The following IQCM variants were observed in gnomAD, a reference collection of about 807,000 sequenced individuals.
IQCM encodes the protein IQ motif containing M, also known as IQ domain-containing protein M.
IQCM carries 45 observed loss-of-function variants against 57.6 expected under a neutral mutation model. The observed-to-expected ratio is 0.78, with a 90% CI of 0.62 to 1.00. The LOEUF (loss-of-function observed/expected upper bound fraction) is 1.00. Ranked by LOEUF, IQCM falls within the 50% of genes least tolerant of loss-of-function variation. IQCM has a pLI of 0.00. For missense variants in IQCM, 468 were observed against 511.6 expected (o/e 0.91, Z 0.82); for synonymous variants, 148 against 158.9 (o/e 0.93, Z 0.51).
intron 7 of IQCM, among the ~76,000 whole-genome samples, chr4:149,670,349 G>C (rs1761143119): frequency 6.6e-6 from 1 of 152,156 alleles, no homozygotes; most frequent in Non-Finnish European, 1.5e-5. Flanking sequence ...CTTTGCTGAA[G>C]TTGCTTATCA....
intron 12 of IQCM, among the ~76,000 whole-genome samples, chr4:149,492,527 T>C (rs1742203205): frequency 6.6e-6 from 1 of 152,138 alleles, no homozygotes; most frequent in African/African-American, 2.4e-5. Context: ...GGTAACACTA[T>C]CAACTTGAAC....
At chr4:149,402,314 G>A (rs918611113) in intron 13 of IQCM, among the ~76,000 whole-genome samples, 5 of 151,626 alleles carry the variant, frequency 3.3e-5, no homozygotes, top group African/African-American at 1.2e-4. Flanking sequence ...CAATAAAGAA[G>A]AATCAGTGAT....
intron 7 of IQCM, among the ~76,000 whole-genome samples, chr4:149,649,337 C>T (rs1159295493): frequency 6.6e-6 from 1 of 151,978 alleles, no homozygotes; most frequent in Non-Finnish European, 1.5e-5. Context: ...TGGATAGACC[C>T]TAGGCCCTGA....
intron 2 of IQCM, among the ~76,000 whole-genome samples, chr4:149,752,551 A>T (rs1352066612): frequency 5.9e-5 from 1 of 16,986 alleles, no homozygotes; most frequent in Non-Finnish European, 1.1e-4. Flanking sequence ...ACTCTGTCTT[A>T]AAAAAAAAAA....
At chr4:149,567,687 T>C (rs376294340) in intron 9 of IQCM, among the ~76,000 whole-genome samples, 40 of 152,174 alleles carry the variant, frequency 2.6e-4, no homozygotes, top group African/African-American at 9.1e-4. Context: ...AAAACAATTA[T>C]AATGTCTTTT....
intron 12 of IQCM, among the ~76,000 whole-genome samples, chr4:149,466,327 T>C (rs1031953614): frequency 1.3e-5 from 2 of 152,164 alleles, no homozygotes; most frequent in South Asian, 2.1e-4. Flanking sequence ...ACAATAATAA[T>C]GTTCAATTAA....
At chr4:149,454,006 G>A (rs1297202577) in intron 12 of IQCM, among the ~76,000 whole-genome samples, 1 of 151,688 alleles carries the variant, frequency 6.6e-6, no homozygotes, top group Non-Finnish European at 1.5e-5. Context: ...TTCATCAACT[G>A]ATGAGTAGGT....
At chr4:149,670,306 G>A (rs1044968678) in intron 7 of IQCM, among the ~76,000 whole-genome samples, 3 of 152,122 alleles carry the variant, frequency 2.0e-5, no homozygotes, top group Non-Finnish European at 4.4e-5. Flanking sequence ...AGGAATGCCT[G>A]TGATTTTTGC....
intron 12 of IQCM, among the ~76,000 whole-genome samples, chr4:149,538,271 A>T (rs2149870597): frequency 6.6e-6 from 1 of 151,966 alleles, no homozygotes; most frequent in African/African-American, 2.4e-5. Context: ...GCTGTATTGA[A>T]GCAAAGTGAC....
chr4:149,677,200 G>T (rs574037517), intron 7 of IQCM, among the ~76,000 whole-genome samples: 1 of 152,214 alleles, frequency 6.6e-6, no homozygotes, highest in East Asian at 1.9e-4. Context: ...AGCATCATTA[G>T]TGCCTGAAAG....
intron 12 of IQCM, among the ~76,000 whole-genome samples, chr4:149,513,064 G>T (rs1744587049): frequency 6.6e-6 from 1 of 152,162 alleles, no homozygotes; most frequent in Non-Finnish European, 1.5e-5. Flanking sequence ...TAGGTTACCA[G>T]TGAACCATAA....
chr4:149,481,930 G>A (rs1278381368), intron 12 of IQCM, among the ~76,000 whole-genome samples: 3 of 590 alleles, frequency 5.1e-3, no homozygotes, highest in African/African-American at 0.027. Context: ...TTTTTTTGGG[G>A]GGGTTGGTTT....
chr4:149,577,120 T>C (rs555543186), intron 9 of IQCM, among the ~76,000 whole-genome samples: 1 of 152,112 alleles, frequency 6.6e-6, no homozygotes, highest in East Asian at 1.9e-4. Context: ...CCTTATAGAT[T>C]CTGGATATTA....
chr4:149,683,053 G>A (rs1401797554), intron 6 of IQCM, among the ~76,000 whole-genome samples: 1 of 151,138 alleles, frequency 6.6e-6, no homozygotes, highest in Non-Finnish European at 1.5e-5. Flanking sequence ...ATATCACAGA[G>A]ATCTTTCTTT....
At chr4:149,702,367 C>T (rs1314405912) in intron 5 of IQCM, among the ~76,000 whole-genome samples, 1 of 151,132 alleles carries the variant, frequency 6.6e-6, no homozygotes, top group Non-Finnish European at 1.5e-5. Context: ...CTAAATACTA[C>T]CTGTATTTTT....
intron 5 of IQCM, among the ~76,000 whole-genome samples, chr4:149,706,247 T>C (rs1764151851): frequency 6.6e-6 from 1 of 151,956 alleles, no homozygotes. Context: ...TGATAATTAA[T>C]ATCCCATTTA....
At chr4:149,422,806 G>A (rs1257805239) in intron 13 of IQCM, among the ~76,000 whole-genome samples, 1 of 151,914 alleles carries the variant, frequency 6.6e-6, no homozygotes, top group Non-Finnish European at 1.5e-5. Flanking sequence ...AAAGGAAGTT[G>A]GCATAATATC....
intron 10 of IQCM, among the ~76,000 whole-genome samples, chr4:149,562,014 A>G (rs1750171202): frequency 6.6e-6 from 1 of 152,188 alleles, no homozygotes; most frequent in African/African-American, 2.4e-5. Flanking sequence ...GACAAGAAAC[A>G]ATCAAGATTT....
At chr4:149,681,138 A>C (rs1762145613) in intron 7 of IQCM, among the ~76,000 whole-genome samples, 1 of 151,346 alleles carries the variant, frequency 6.6e-6, no homozygotes, top group African/African-American at 2.4e-5. Context: ...CACAGCTTTC[A>C]AGGAGATCAG....
Sources: allele counts gnomAD v4.1 joint callset (sites outside exome capture counted in the v4.1 genomes callset), GRCh38; gene constraint gnomAD v4.1.1; transcripts MANE v1.5; gene names NCBI Gene and HGNC (gene_info 2026-07-23, HGNC 2026-07-21).